Variants in ENTHD1 observed in about 807,000 individuals in gnomAD.
ENTHD1 encodes ENTH domain-containing protein 1.
Under a neutral mutation model 39.1 loss-of-function variants are expected in ENTHD1, and 23 were observed. That is an observed-to-expected ratio of 0.59 (90% CI 0.42 to 0.83). ENTHD1 has a LOEUF of 0.83. ENTHD1 is among the 40% of genes least tolerant of loss of function. ENTHD1 has a pLI of 0.00. For missense variants in ENTHD1, 624 were observed against 705.4 expected (o/e 0.88, Z 1.31); for synonymous variants, 230 against 258.2 (o/e 0.89, Z 1.05).
chr22:39,840,590 A>G (rs1205432278), intron 3 of ENTHD1, among the ~76,000 whole-genome samples: 2 of 151,654 alleles, frequency 1.3e-5, no homozygotes, highest in Admixed American at 6.6e-5. Flanking sequence ...ATTAATTTTT[A>G]GTAACAGACA....
intron 5 of ENTHD1, among the ~76,000 whole-genome samples, chr22:39,766,056 A>AAG (rs1203805164): frequency 6.6e-6 from 1 of 150,900 alleles, no homozygotes; most frequent in Admixed American, 6.6e-5. Context: ...AAAAGAAAGA[A>AAG]AAAGAAAAGC....
chr22:39,858,585 T>A (rs934294639), intron 3 of ENTHD1, among the ~76,000 whole-genome samples: 1 of 152,218 alleles, frequency 6.6e-6, no homozygotes, highest in Non-Finnish European at 1.5e-5. Flanking sequence ...ATGGAAGATA[T>A]AGCTTTATGA....
intron 4 of ENTHD1, among the ~76,000 whole-genome samples, chr22:39,826,539 T>C (rs2065828110): frequency 6.6e-6 from 1 of 152,174 alleles, no homozygotes; most frequent in Non-Finnish European, 1.5e-5. Flanking sequence ...CTTTCCTCTT[T>C]TCTACTGTAA....
At chr22:39,887,095 G>A (rs186124349) in intron 2 of ENTHD1, among the ~76,000 whole-genome samples, 130 of 151,982 alleles carry the variant, frequency 8.6e-4, no homozygotes, top group African/African-American at 3.0e-3. Context: ...AACTATAACC[G>A]TCCCAGAGGA....
intron 5 of ENTHD1, among the ~76,000 whole-genome samples, chr22:39,810,576 A>C (rs2065677506): frequency 6.6e-6 from 1 of 152,234 alleles, no homozygotes; most frequent in Non-Finnish European, 1.5e-5. Flanking sequence ...ACAGAAATTA[A>C]TGCCACCATC....
intron 5 of ENTHD1, among the ~76,000 whole-genome samples, chr22:39,819,352 G>A (rs940236599): frequency 1.3e-5 from 2 of 149,718 alleles, no homozygotes; most frequent in Non-Finnish European, 2.9e-5. Flanking sequence ...GTGACAGAGC[G>A]AGACTCTGTC....
chr22:39,787,155 C>T (rs1032184193), intron 5 of ENTHD1, among the ~76,000 whole-genome samples: 2 of 152,084 alleles, frequency 1.3e-5, no homozygotes, highest in Admixed American at 6.6e-5. Flanking sequence ...GATTTTTCTA[C>T]AGTAATCATT....
At chr22:39,824,798 A>T (rs769455942) in intron 4 of ENTHD1, among the ~76,000 whole-genome samples, 2 of 151,884 alleles carry the variant, frequency 1.3e-5, no homozygotes, top group Non-Finnish European at 2.9e-5. Context: ...CCAATACCGC[A>T]CTCTCTTGAT....
At chr22:39,750,504 TA>T (rs58031726) in intron 6 of ENTHD1, 103 of 150,152 alleles carry the variant, frequency 6.9e-4, no homozygotes, top group Middle Eastern at 1.4e-3. Context: ...AAGCTGCAAT[TA>T]AAAAAAAAAT....
At chr22:39,805,651 G>A (rs1277190540) in intron 5 of ENTHD1, among the ~76,000 whole-genome samples, 1 of 152,162 alleles carries the variant, frequency 6.6e-6, no homozygotes, top group Non-Finnish European at 1.5e-5. Context: ...AAGTTATGAT[G>A]CCAAGCAGGT....
chr22:39,803,852 A>T (rs1050208716), intron 5 of ENTHD1, among the ~76,000 whole-genome samples: 14 of 152,196 alleles, frequency 9.2e-5, no homozygotes, highest in Admixed American at 9.2e-4. Flanking sequence ...TATTGAATGG[A>T]AGTGTTTCAA....
intron 5 of ENTHD1, among the ~76,000 whole-genome samples, chr22:39,769,118 C>T (rs939836590): frequency 2.6e-4 from 40 of 151,346 alleles, no homozygotes; most frequent in Admixed American, 2.2e-3. Flanking sequence ...ATATACACAC[C>T]GGTGTATGTA....
chr22:39,783,785 CTA>C (rs1323569766), intron 5 of ENTHD1, among the ~76,000 whole-genome samples: 3 of 152,266 alleles, frequency 2.0e-5, no homozygotes, highest in Non-Finnish European at 4.4e-5. Flanking sequence ...AGACTTGACA[CTA>C]TGAAACTACT....
chr22:39,836,017 TTAG>T (rs2065905628), intron 3 of ENTHD1, 59 bp from the exon 4 acceptor site: 1 of 1,283,044 alleles, frequency 7.8e-7, no homozygotes, highest in Non-Finnish European at 1.1e-6. Context: ...TGTTTTTATA[TTAG>T]TTCCCAATTT....
At chr22:39,884,086 T>C (rs1431550074) in intron 2 of ENTHD1, among the ~76,000 whole-genome samples, 1 of 152,146 alleles carries the variant, frequency 6.6e-6, no homozygotes, top group East Asian at 1.9e-4. Flanking sequence ...TGTACAAAGA[T>C]TGGAGAAATT....
intron 1 of ENTHD1, among the ~76,000 whole-genome samples, chr22:39,888,177 C>T (rs1458718482): frequency 6.6e-6 from 1 of 151,494 alleles, no homozygotes; most frequent in Non-Finnish European, 1.5e-5. Flanking sequence ...AATATAATGG[C>T]TATAAAGCAT....
At chr22:39,773,713 G>T (rs1447530720) in intron 5 of ENTHD1, among the ~76,000 whole-genome samples, 1 of 152,128 alleles carries the variant, frequency 6.6e-6, no homozygotes, top group Non-Finnish European at 1.5e-5. Context: ...CTGGGGTTGG[G>T]AGATAATAGA....
At chr22:39,850,792 AAC>A (rs1171398932) in intron 3 of ENTHD1, among the ~76,000 whole-genome samples, 1 of 152,208 alleles carries the variant, frequency 6.6e-6, no homozygotes, top group East Asian at 1.9e-4. Context: ...GGACCTTTAG[AAC>A]ACAACTCTGG....
intron 6 of ENTHD1, among the ~76,000 whole-genome samples, chr22:39,764,981 T>C (rs973481247): frequency 6.6e-6 from 1 of 152,204 alleles, no homozygotes; most frequent in African/African-American, 2.4e-5. Context: ...TCAGATCTTA[T>C]ATTCAACCAA....
Sources: gnomAD v4.1 joint callset for allele counts (sites outside exome capture counted in the v4.1 genomes callset) on GRCh38, gnomAD v4.1.1 for gene constraint, MANE v1.5 for transcripts, NCBI Gene and HGNC (gene_info 2026-07-23, HGNC 2026-07-21) for gene names.